PRKN: variants seen among roughly 807,000 people sequenced by gnomAD.
PRKN encodes the protein E3 ubiquitin-protein ligase parkin.
PRKN carries 56 observed loss-of-function variants against 59.5 expected under a neutral mutation model. The ratio of observed to expected loss-of-function variants is 0.94; its 90% CI spans 0.76 to 1.18. The LOEUF (loss-of-function observed/expected upper bound fraction) is 1.18, where lower values mean the gene tolerates loss of function less well. Among genes scored for constraint, PRKN ranks in the 50% most tolerant of loss-of-function variants. The pLI is 0.00. For missense variants in PRKN, 657 were observed against 596.4 expected (o/e 1.10, Z -1.06); for synonymous variants, 250 against 222.1 (o/e 1.13, Z -1.12).
At position 161,585,250 on chromosome 6, in the gene PRKN, C is replaced by T. The variant is rs373670656; in HGVS notation, c.872-15834G>A. 2.6e-5 allele frequency among the ~76,000 whole-genome samples: 4 copies of T among 152,286 alleles called. No homozygotes were observed. The South Asian group carries it at 8.3e-4, about 32-fold the overall frequency. ...CACAATCTATGTGCTACACATTGTA[C>T]AAGAAGGTTTTGTTGATATATTAGA... On this transcript the variant is annotated intron_variant, in intron 7 of 11. Transcript: ENST00000366898.
rs111467251 is a variant in PRKN, at chr6:162,076,795, C to A, written c.535-22621G>T. ...CAACTTTTCTTAAAATTTGCTCTTG[C>A]AATGTACATGGATTTCATCAAATGA... On this transcript the variant is annotated intron_variant, in intron 4 of 11. Coordinates refer to ENST00000366898, the MANE Select transcript of PRKN (RefSeq NM_004562.3). 9.4e-4 allele frequency among the ~76,000 whole-genome samples: 143 copies of A among 152,224 alleles called. 2 individuals carry two copies. The South Asian group carries it at 0.016, about 17-fold the overall frequency.
In PRKN at chr6:161,432,099, C is replaced by T. The variant is rs2115055109; in HGVS notation, c.1084-45222G>A. Among the ~76,000 whole-genome samples the T allele has an allele frequency of 2.0e-5, 3 of 152,302 alleles. No individual in the cohort carries two copies. The Middle Eastern group carries it at 0.01, about 518-fold the overall frequency. The stretch of plus-strand genomic sequence containing the variant: ...TACCCACCAAAGGACTCCAGGCTAT[C>T]CTTGCTTCATAAATAACTGTAATTT... On this transcript the variant is annotated intron_variant, in intron 9 of 11. Transcript: ENST00000366898.
At chr6:162,383,213 A>C (rs185573378) in intron 2 of PRKN, among the ~76,000 whole-genome samples, 3 of 152,306 alleles carry the variant, frequency 2.0e-5, no homozygotes, top group Middle Eastern at 3.4e-3. Context: ...ATTTCCAATT[A>C]ACTTTTCCCA....
intron 7 of PRKN, among the ~76,000 whole-genome samples, chr6:161,631,962 C>A (rs1024189): frequency 6.6e-6 from 1 of 151,970 alleles, no homozygotes; most frequent in African/African-American, 2.4e-5. Flanking sequence ...ATGTGTAAGT[C>A]GTTAACTATT....
chr6:161,479,939 G>T (rs1791306123), intron 9 of PRKN, among the ~76,000 whole-genome samples: 1 of 152,172 alleles, frequency 6.6e-6, no homozygotes, highest in South Asian at 2.1e-4. Context: ...AAAGAGTTGT[G>T]AGCACCAGTG....
At chr6:162,451,367 T>TAAAAAA (rs140082933) in intron 1 of PRKN, among the ~76,000 whole-genome samples, 378 of 104,660 alleles carry the variant, frequency 3.6e-3, no homozygotes, top group African/African-American at 0.013. Context: ...CTTAAAGGAG[T>TAAAAAA]AAAAAAAAAA....
At chr6:161,977,135 G>A (rs1781062978) in intron 5 of PRKN, among the ~76,000 whole-genome samples, 1 of 152,180 alleles carries the variant, frequency 6.6e-6, no homozygotes, top group African/African-American at 2.4e-5. Flanking sequence ...TAACTGGCAA[G>A]AACTGTGAAG....
intron 1 of PRKN, among the ~76,000 whole-genome samples, chr6:162,699,052 G>C (rs1778063872): frequency 6.6e-6 from 1 of 152,174 alleles, no homozygotes; most frequent in Non-Finnish European, 1.5e-5. Flanking sequence ...GTGACTCATG[G>C]ATTAGGTGAT....
chr6:161,572,275 C>T (rs1562533585), intron 7 of PRKN, among the ~76,000 whole-genome samples: 1 of 152,120 alleles, frequency 6.6e-6, no homozygotes, highest in Non-Finnish European at 1.5e-5. Context: ...TGAGAAAGTG[C>T]TTCACAAATG....
At chr6:162,207,386 A>T (rs1377532485) in intron 3 of PRKN, among the ~76,000 whole-genome samples, 1 of 152,118 alleles carries the variant, frequency 6.6e-6, no homozygotes, top group Non-Finnish European at 1.5e-5. Context: ...ACCAAAAAAG[A>T]AAAAGATGGG....
intron 7 of PRKN, among the ~76,000 whole-genome samples, chr6:161,675,800 T>C (rs553260057): frequency 6.6e-6 from 1 of 152,334 alleles, no homozygotes; most frequent in African/African-American, 2.4e-5. Flanking sequence ...AATAAAGACA[T>C]AAAATATTTT....
At chr6:161,477,098 G>C (rs1791122029) in intron 9 of PRKN, among the ~76,000 whole-genome samples, 1 of 152,232 alleles carries the variant, frequency 6.6e-6, no homozygotes, top group Admixed American at 6.5e-5. Context: ...TTAATTATCA[G>C]AGAATGCTGT....
chr6:162,470,973 A>C (rs55699634), intron 1 of PRKN, among the ~76,000 whole-genome samples: 51,127 of 151,426 alleles, frequency 0.34, 8,821 homozygotes, highest in East Asian at 0.47. Context: ...GTTGGCCAGA[A>C]TGGTCTCAAA....
chr6:162,296,946 T>C (rs1207644772), intron 2 of PRKN, among the ~76,000 whole-genome samples: 1 of 151,886 alleles, frequency 6.6e-6, no homozygotes, highest in Non-Finnish European at 1.5e-5. Flanking sequence ...ATAAAGTACA[T>C]CTCCAGGCCT....
chr6:162,654,052 G>C (rs758336216), intron 1 of PRKN, among the ~76,000 whole-genome samples: 2 of 152,100 alleles, frequency 1.3e-5, no homozygotes, highest in Non-Finnish European at 2.9e-5. Context: ...CACATTATTT[G>C]AGCCTATCAA....
chr6:162,099,110 C>G (rs1353437264), intron 4 of PRKN, among the ~76,000 whole-genome samples: 1 of 152,136 alleles, frequency 6.6e-6, no homozygotes, highest in African/African-American at 2.4e-5. Context: ...TTGAGGCCAG[C>G]ATACATTTTT....
chr6:162,002,116 T>G (rs562303747), intron 5 of PRKN, among the ~76,000 whole-genome samples: 1 of 152,200 alleles, frequency 6.6e-6, no homozygotes, highest in South Asian at 2.1e-4. Flanking sequence ...GTCTGTAGTT[T>G]TCTTTTCTTG....
chr6:162,578,118 T>C (rs1562402474), intron 1 of PRKN, among the ~76,000 whole-genome samples: 2 of 152,024 alleles, frequency 1.3e-5, no homozygotes. Flanking sequence ...GCAATTCAAC[T>C]CATAGGGGTT....
rs1229596344 is a variant in PRKN at position 161,467,649 on chromosome 6, C to T, written c.1084-80772G>A. On this transcript the variant is annotated intron_variant, in intron 9 of 11. Transcript: ENST00000366898. The surrounding 1 kb of genome is among the most constrained non-coding windows in gnomAD (Gnocchi z 4.3). Reference sequence around the variant, plus strand: ...AGATGATGACGCTTGAGAGGAGTCTCAAAGGATGTGCAGGAGCGACAGAGG... The same window carrying T: ...AGATGATGACGCTTGAGAGGAGTCTTAAAGGATGTGCAGGAGCGACAGAGG... Among the ~76,000 whole-genome samples the T allele has an allele frequency of 2.6e-5, 4 of 152,182 alleles. No homozygotes were observed. The highest frequency in any genetic ancestry group is 1.3e-4 in the Admixed American group (2 of 15,276).
Sources: allele counts gnomAD v4.1 joint callset (sites outside exome capture counted in the v4.1 genomes callset), GRCh38; gene constraint gnomAD v4.1.1; non-coding constraint Gnocchi (gnomAD v3.1); transcripts MANE v1.5; gene names NCBI Gene and HGNC (gene_info 2026-07-23, HGNC 2026-07-21).